Variants in LAMB4 observed in about 807,000 individuals in gnomAD.
LAMB4 encodes laminin subunit beta 4.
LAMB4 carries 196 observed loss-of-function variants against 199.2 expected under a neutral mutation model. The observed-to-expected ratio is 0.98, with a 90% CI of 0.88 to 1.11. The LOEUF is 1.11. Among genes scored for constraint, LAMB4 ranks in the 50% least tolerant of loss-of-function variants. The probability of loss-of-function intolerance (pLI) is 0.00; values close to 1 mark genes in which losing one functional copy is unlikely to be tolerated. For synonymous variants in LAMB4, 744 were observed against 770.6 expected (o/e 0.97, Z 0.57); for missense variants, 2,080 against 2,171.2 (o/e 0.96, Z 0.83).
In LAMB4 at chr7:108,055,812, G is replaced by A. The variant is rs755935994; in HGVS notation, c.3575C>T (p.Ala1192Val). 44 of 1,613,960 alleles carry A rather than the reference G, an allele frequency of 2.7e-5. No individual in the cohort carries two copies. In the Admixed American group the frequency reaches 3.2e-4, roughly 12 times the overall value. The change falls in exon 25 of 34, where the codon GCG becomes GTG. Residue 1192 changes from alanine to valine, a missense_variant. Ala to Val is a moderately conservative substitution (Grantham distance 64). Transcript: ENST00000388781. ...AGCCAGTCTCATTAACCCTTGCACC[G>A]CTTTGGAGAGGGAAGAAATGGTGTG... ...WDHTISSLSK[A>V]VQGLMRLAAN...
chr7:108,127,546 G>T (rs1361237678), intron 1 of LAMB4, among the ~76,000 whole-genome samples: 1 of 152,138 alleles, frequency 6.6e-6, no homozygotes, highest in African/African-American at 2.4e-5. Context: ...CAAATCCCCA[G>T]GTTCGGCAAT....
intron 12 of LAMB4, among the ~76,000 whole-genome samples, chr7:108,094,164 C>G (rs1218859107): frequency 1.3e-5 from 2 of 152,226 alleles, no homozygotes; most frequent in Non-Finnish European, 2.9e-5. Context: ...AAAAGTGAGT[C>G]TGTACTGCAC....
chr7:108,109,086 A>C (rs2038126618), intron 5 of LAMB4, 85 bp downstream of exon 5: 1 of 1,025,466 alleles, frequency 9.8e-7, no homozygotes, highest in East Asian at 2.4e-5. Context: ...GTTCACTGCA[A>C]GGAAGCAAGG....
intron 1 of LAMB4, among the ~76,000 whole-genome samples, chr7:108,125,716 C>T (rs1399601091): frequency 6.6e-6 from 1 of 152,200 alleles, no homozygotes; most frequent in Non-Finnish European, 1.5e-5. Context: ...TGCCGAATTC[C>T]CAGGACTCAG....
intron 23 of LAMB4, among the ~76,000 whole-genome samples, chr7:108,058,358 C>A (rs1412030804): frequency 6.6e-6 from 1 of 152,236 alleles, no homozygotes; most frequent in Non-Finnish European, 1.5e-5. Context: ...TTTTCACCAA[C>A]TGGATTAGCG....
rs1233516728 is a variant in LAMB4 at position 108,105,994 on chromosome 7, G to A, written c.693C>T (p.Thr231=). The A allele has an allele frequency of 6.2e-7, 1 of 1,614,106 alleles. No homozygotes were observed. The highest frequency in any genetic ancestry group is 1.1e-5 in the South Asian group (1 of 91,082). The part of the protein sequence containing the change: ...VTLTNLRINF[T]KLHTLGDALL... ...AAGCATCCCCAAGGGTGTGGAGCTT[G>A]GTAAAGTTTATCCTCAGGTTTGTCA... Residue 231 remains threonine (T), a synonymous_variant, in exon 8 of 34, where the codon ACC becomes ACT. Transcript: ENST00000388781.
intron 12 of LAMB4, among the ~76,000 whole-genome samples, chr7:108,093,246 T>C (rs537676439): frequency 3.3e-5 from 5 of 152,170 alleles, no homozygotes; most frequent in South Asian, 4.1e-4. Flanking sequence ...TTTGTATTTT[T>C]AGTAGAGACG....
chr7:108,056,699 G>A (rs567577972), intron 24 of LAMB4, among the ~76,000 whole-genome samples: 10 of 152,276 alleles, frequency 6.6e-5, no homozygotes, highest in African/African-American at 1.9e-4. Context: ...GCTGGGTGCA[G>A]TGGCTCATGC....
chr7:108,080,850 G>A (rs536135317), intron 14 of LAMB4, among the ~76,000 whole-genome samples: 3 of 151,948 alleles, frequency 2.0e-5, no homozygotes, highest in East Asian at 1.9e-4. Flanking sequence ...AAGGCTGGGT[G>A]CGGTGGCTCA....
intron 14 of LAMB4, among the ~76,000 whole-genome samples, chr7:108,082,329 TAAAAAAAA>T (rs34929844): frequency 2.9e-5 from 3 of 104,650 alleles, no homozygotes; most frequent in East Asian, 2.7e-4. Context: ...GACTCCGTCT[TAAAAAAAA>T]AAAAAAAAAA....
chr7:108,110,971 T>TC (rs11428115), intron 4 of LAMB4, among the ~76,000 whole-genome samples: 152,326 of 152,326 alleles, frequency 1, 76,163 homozygotes, highest in Non-Finnish European at 1. Context: ...GTCTAAAATC[T>TC]CTAAAGGAAA....
chr7:108,088,602 G>A (rs2037278855), intron 14 of LAMB4, among the ~76,000 whole-genome samples: 1 of 152,210 alleles, frequency 6.6e-6, no homozygotes, highest in South Asian at 2.1e-4. Flanking sequence ...CAGTTAGAAT[G>A]TTGAAACAAT....
At chr7:108,125,337 C>T (rs2038741081) in intron 1 of LAMB4, among the ~76,000 whole-genome samples, 1 of 152,194 alleles carries the variant, frequency 6.6e-6, no homozygotes, top group Non-Finnish European at 1.5e-5. Context: ...AATATCTAAT[C>T]CTGATGCTGT....
At chr7:108,106,482 AT>A (rs751445926) in intron 7 of LAMB4, 26 bp downstream of exon 7, 1 of 1,329,492 alleles carries the variant, frequency 7.5e-7, no homozygotes. Context: ...TTTAAAGCTG[AT>A]ATGAAAAATA....
At chr7:108,039,314 C>A (rs2035336517) in intron 29 of LAMB4, among the ~76,000 whole-genome samples, 1 of 152,020 alleles carries the variant, frequency 6.6e-6, no homozygotes. Context: ...TGCTTGTAGT[C>A]ATTTTGCTTT....
At chr7:108,014,729 T>C in the LAMB4 span, among the ~76,000 whole-genome samples, 1 of 152,176 alleles carries the variant, frequency 6.6e-6, no homozygotes, top group African/African-American at 2.4e-5. Context: ...GTTTTTTTTT[T>C]TTTTCTTTTT....
rs765640140 is a variant in LAMB4, at chr7:108,055,754, A to G, written c.3633T>C (p.Pro1211=). The change falls in exon 25 of 34, where the codon CCT becomes CCC. Residue 1211 remains proline (P), a synonymous_variant. Coordinates refer to ENST00000388781, the MANE Select transcript of LAMB4 (RefSeq NM_007356.3). The stretch of plus-strand genomic sequence containing the variant: ...GGTCTTTGAAGTCTGCCTCACAGAC[A>G]GGCAGGGTCTCTCTTTTATCTTCCA... ...ANMEDKRETL[P]VCEADFKDLR... is the part of the protein sequence containing the mutation. 4 of 1,614,132 alleles carry G rather than the reference A, an allele frequency of 2.5e-6. No individual in the cohort carries two copies. Among genetic ancestry groups the G allele is most frequent in the East Asian group, 4.5e-5 (2 of 44,904 alleles).
intron 17 of LAMB4, among the ~76,000 whole-genome samples, chr7:108,073,222 TCTCAAA>T (rs2036592851): frequency 6.6e-6 from 1 of 152,310 alleles, no homozygotes; most frequent in South Asian, 2.1e-4. Flanking sequence ...GCCAGGCTGG[TCTCAAA>T]CTCCTGATGT....
intron 17 of LAMB4, among the ~76,000 whole-genome samples, chr7:108,072,085 A>C (rs975037507): frequency 1.3e-5 from 2 of 152,192 alleles, no homozygotes; most frequent in Non-Finnish European, 2.9e-5. Context: ...TGTTTATTAC[A>C]GGCATTTAGA....
Sources: allele counts gnomAD v4.1 joint callset (sites outside exome capture counted in the v4.1 genomes callset), GRCh38; gene constraint gnomAD v4.1.1; transcripts MANE v1.5; gene names NCBI Gene and HGNC (gene_info 2026-07-23, HGNC 2026-07-21).